PAX9: variants seen among roughly 807,000 people sequenced by gnomAD.
PAX9 encodes paired box 9, also known as paired box protein Pax-9.
A neutral mutation model predicts 29.1 loss-of-function variants in PAX9; 6 were observed. The observed-to-expected ratio is 0.21, with a 90% CI of 0.11 to 0.41. PAX9 has a LOEUF of 0.41. Among genes scored for constraint, PAX9 ranks in the 10% least tolerant of loss-of-function variants. The pLI is 1.00. For missense variants in PAX9, 443 were observed against 479.1 expected (o/e 0.92, Z 0.70); for synonymous variants, 217 against 211.7 (o/e 1.03, Z -0.22).
At chr14:36,671,498 A>T (rs1881691504) in intron 3 of PAX9, among the ~76,000 whole-genome samples, 1 of 144,994 alleles carries the variant, frequency 6.9e-6, no homozygotes, top group Non-Finnish European at 1.5e-5. Flanking sequence ...TTTTGTGATA[A>T]ACGGTGCCTA....
upstream of PAX9, among the ~76,000 whole-genome samples, chr14:36,659,343 T>G (rs1881166757): frequency 6.6e-6 from 1 of 152,168 alleles, no homozygotes; most frequent in Non-Finnish European, 1.5e-5. Context: ...CTCAGATCCG[T>G]CGTCTCTCGG....
At chr14:36,676,019 G>A (rs917466991) in intron 3 of PAX9, among the ~76,000 whole-genome samples, 179 bp from the exon 4 acceptor site, 1 of 152,200 alleles carries the variant, frequency 6.6e-6, no homozygotes, top group African/African-American at 2.4e-5. Flanking sequence ...GTTTGTTTAA[G>A]TGGCAAGACT....
chr14:36,661,800 A>G (rs1438714291), upstream of PAX9: 8 of 527,774 alleles, frequency 1.5e-5, no homozygotes, highest in Non-Finnish European at 2.7e-5. Context: ...TTGCCCTCGG[A>G]CCCGCCCCTT....
intron 2 of PAX9, among the ~76,000 whole-genome samples, chr14:36,665,086 C>A (rs1191105289): frequency 6.9e-6 from 1 of 144,936 alleles, no homozygotes; most frequent in Non-Finnish European, 1.5e-5. Flanking sequence ...GACAGACAGG[C>A]AGTTCTGGAC....
intron 1 of PAX9, 100 bp downstream of exon 1, chr14:36,662,193 T>C: frequency 7.8e-7 from 1 of 1,284,110 alleles, no homozygotes; most frequent in Non-Finnish European, 1.0e-6. Flanking sequence ...CGCGCGCCAC[T>C]AGGCGCTCAC....
chr14:36,658,295 C>G (rs562917151), upstream of PAX9, among the ~76,000 whole-genome samples: 6 of 151,976 alleles, frequency 3.9e-5, no homozygotes, highest in African/African-American at 1.4e-4. Flanking sequence ...AGTCCCGGAC[C>G]TCGGACTCTG....
Position 36,678,598 on chromosome 14 carries a change from A to T in PAX9, c.*2146A>T. 1 of 1,506,494 alleles carries T rather than the reference A, an allele frequency of 6.6e-7. No homozygotes were observed. The highest frequency in any genetic ancestry group is 8.8e-7 in the Non-Finnish European group (1 of 1,132,712). The allele number at this position is 1,506,494 out of a possible 1,614,324, so 93.3% of individuals were successfully genotyped here. On this transcript the variant is annotated 3_prime_UTR_variant, in exon 4 of 4. Coordinates refer to ENST00000361487, the MANE Select transcript of PAX9 (RefSeq NM_001372076.1). ...GACTCTCCTGTCATCTGAAAAACTG[A>T]TGTAAGGTACAGAACTATTCTTTAT...
In PAX9 at chr14:36,678,296, T is replaced by A. The variant is rs1882003806; in HGVS notation, c.*1844T>A. 1.8e-6 allele frequency: 1 copy of A among 561,818 alleles called. No individual in the cohort carries two copies. 34.8% of individuals were successfully genotyped at this position (561,818 alleles called of 1,614,324 possible). A position where few individuals can be genotyped will look rare whatever the true frequency, so the allele number is the denominator to read the frequency against. On this transcript the variant is annotated 3_prime_UTR_variant, in exon 4 of 4. Transcript: ENST00000361487. ...CACAAATTATGTTAGAGTGACTGCTTTTTTCAGACAGCAGATATCTTATAG... is the reference window on the plus strand; with the variant it reads ...CACAAATTATGTTAGAGTGACTGCTATTTTCAGACAGCAGATATCTTATAG...
intron 2 of PAX9, 137 bp from the exon 3 acceptor site, chr14:36,666,325 G>C: frequency 8.7e-7 from 1 of 1,152,642 alleles, no homozygotes; most frequent in South Asian, 1.6e-5. Context: ...TGGGCCCAGC[G>C]CCCTCGGGAG....
intron 3 of PAX9, among the ~76,000 whole-genome samples, chr14:36,674,676 T>G (rs528989319): frequency 1.0e-3 from 154 of 152,338 alleles, no homozygotes; most frequent in African/African-American, 3.6e-3. Flanking sequence ...CATTACTCAG[T>G]AAAATATGTT....
At chr14:36,662,226 G>A in intron 1 of PAX9, 133 bp downstream of exon 1, 1 of 1,046,096 alleles carries the variant, frequency 9.6e-7, no homozygotes, top group Non-Finnish European at 1.3e-6. Flanking sequence ...CTTTGCTCGT[G>A]TTCCTACAAG....
intron 3 of PAX9, among the ~76,000 whole-genome samples, chr14:36,672,832 TTTTCTTTC>T (rs1167746492): frequency 1.4e-5 from 2 of 146,268 alleles, no homozygotes; most frequent in African/African-American, 2.5e-5. Flanking sequence ...CCTTTTTCTT[TTTTCTTTC>T]TTTCTTTCTT....
chr14:36,672,968 C>G (rs1881751300), intron 3 of PAX9, among the ~76,000 whole-genome samples: 1 of 141,970 alleles, frequency 7.0e-6, no homozygotes, highest in Non-Finnish European at 1.5e-5. Context: ...CGGGTTCAAG[C>G]AATTTTCCTG....
intron 3 of PAX9, 68 bp from the exon 4 acceptor site, chr14:36,676,130 T>C: frequency 6.4e-7 from 1 of 1,553,542 alleles, no homozygotes; most frequent in Non-Finnish European, 8.9e-7. Flanking sequence ...TCTGCTTCTT[T>C]CTAAGAACGT....
Position 36,662,103 on chromosome 14 carries a change from G to A in PAX9, c.4+10G>A, listed in dbSNP as rs372515996. ...CTGCTCGGAGCAATGGGTGAGTGGC[G>A]GCGGGGGACTCTGTCAGAGCCGGGA... On this transcript the variant is annotated intron_variant, in intron 1 of 3. Transcript: ENST00000361487. 3.9e-6 allele frequency: 6 copies of A among 1,538,466 alleles called. No individual in the cohort carries two copies. The highest frequency in any genetic ancestry group is 1.4e-5 in the African/African-American group (1 of 72,292).
intron 2 of PAX9, among the ~76,000 whole-genome samples, chr14:36,665,362 A>C (rs1386876907): frequency 6.6e-6 from 1 of 152,156 alleles, no homozygotes; most frequent in Non-Finnish European, 1.5e-5. Flanking sequence ...GTGATTATAA[A>C]AATGATCATT....
chr14:36,666,228 G>T (rs185710212), intron 2 of PAX9: 49 of 566,790 alleles, frequency 8.6e-5, no homozygotes, highest in Non-Finnish European at 1.3e-4. Flanking sequence ...TCTTCCCTCA[G>T]GCGTGGGTCA....
At position 36,676,506 on chromosome 14, in the gene PAX9, C is replaced by A; in HGVS notation, c.*54C>A. On this transcript the variant is annotated 3_prime_UTR_variant, in exon 4 of 4. Coordinates refer to ENST00000361487, the MANE Select transcript of PAX9 (RefSeq NM_001372076.1). ...CCGGGTCTCCCTGTCTCAGCACCTCCTCCCCCAATTCCCAGGTCTCACATC... is the reference window on the plus strand; with the variant it reads ...CCGGGTCTCCCTGTCTCAGCACCTCATCCCCCAATTCCCAGGTCTCACATC... 2 of 1,597,846 alleles carry A rather than the reference C, an allele frequency of 1.3e-6. No individual in the cohort carries two copies. The highest frequency in any genetic ancestry group is 1.7e-6 in the Non-Finnish European group (2 of 1,176,190).
In PAX9 at chr14:36,663,351, G is replaced by A. The variant is rs201901512; in HGVS notation, c.459G>A (p.Ala153=). The A allele has an allele frequency of 2.5e-6, 4 of 1,613,970 alleles. No individual in the cohort carries two copies. Among genetic ancestry groups the A allele is most frequent in the Non-Finnish European group, 2.5e-6 (3 of 1,180,040 alleles). ...YKQHQPTPQP[A]LPYNHIYSYP... The stretch of plus-strand genomic sequence containing the variant: ...AGCACCAGCCGACGCCGCAGCCAGC[G>A]CTGCCCTACAACCACATCTACTCGT... Residue 153 remains alanine (A), a synonymous_variant, in exon 2 of 4, where the codon GCG becomes GCA. Coordinates refer to ENST00000361487, the MANE Select transcript of PAX9 (RefSeq NM_001372076.1).
Sources: allele counts gnomAD v4.1 joint callset (sites outside exome capture counted in the v4.1 genomes callset), GRCh38; gene constraint gnomAD v4.1.1; transcripts MANE v1.5; gene names NCBI Gene and HGNC (gene_info 2026-07-23, HGNC 2026-07-21).